KLHL7: variants seen among roughly 807,000 people sequenced by gnomAD.
The protein encoded by KLHL7 is kelch-like protein 7.
A neutral mutation model predicts 67.4 loss-of-function variants in KLHL7; 44 were observed. That is an observed-to-expected ratio of 0.65 (90% CI 0.51 to 0.84). The LOEUF (loss-of-function observed/expected upper bound fraction) is 0.84. KLHL7 is among the 40% of genes least tolerant of loss of function. The pLI is 0.00. For missense variants in KLHL7, 362 were observed against 718.1 expected, an observed-to-expected ratio of 0.50 and a Z score of 5.67; for synonymous variants, 252 against 243.3, an observed-to-expected ratio of 1.04 and a Z score of -0.33.
chr7:23,173,790 G>GAA (rs1249885952), intron 10 of KLHL7, among the ~76,000 whole-genome samples: 1 of 152,042 alleles, frequency 6.6e-6, no homozygotes. Context: ...TAATTTTGTA[G>GAA]AAAAAAATCA....
At position 23,147,502 on chromosome 7, in the gene KLHL7, G is replaced by A. The variant is rs190056947; in HGVS notation, c.793+3477G>A. Among the ~76,000 whole-genome samples, 465 of 152,304 alleles carry A rather than the reference G, an allele frequency of 3.1e-3. 2 individuals are homozygous for A. The highest frequency in any genetic ancestry group is 0.011 in the African/African-American group (442 of 41,562). ...TTTATGTTTGGTAATGTCAGTATCT[G>A]AAGTCCCTGAGGAACAGTGCTGCTA... is the stretch of plus-strand genomic sequence containing the variant. On this transcript the variant is annotated intron_variant, in intron 6 of 10. Coordinates refer to ENST00000339077, the MANE Select transcript of KLHL7 (RefSeq NM_001031710.3).
chr7:23,140,806 A>G lies in KLHL7; in HGVS notation c.480A>G (p.Glu160=), dbSNP rs182116399. The part of the protein sequence containing the change: ...SVLAECLDCP[E]LKATADDFIH... Reference sequence around the variant, plus strand: ...TAGCGGAGTGTCTAGATTGTCCTGAATTGAAAGCAACTGCAGATGACTTTA... The same window carrying G: ...TAGCGGAGTGTCTAGATTGTCCTGAGTTGAAAGCAACTGCAGATGACTTTA... Residue 160 remains glutamate, a synonymous_variant, in exon 5 of 11, where the codon GAA becomes GAG. Transcript: ENST00000339077. 131 of 1,613,954 alleles carry G rather than the reference A, an allele frequency of 8.1e-5. 1 individual carries two copies. The highest frequency in any genetic ancestry group is 8.6e-5 in the Non-Finnish European group (101 of 1,179,956).
chr7:23,170,967 G>A (rs934665613), intron 9 of KLHL7, among the ~76,000 whole-genome samples: 6 of 149,844 alleles, frequency 4.0e-5, no homozygotes, highest in African/African-American at 1.2e-4. Flanking sequence ...GAATGCAGTG[G>A]CACGATCTCA....
chr7:23,131,007 A>G (rs1035196524), intron 4 of KLHL7, among the ~76,000 whole-genome samples: 3 of 152,228 alleles, frequency 2.0e-5, no homozygotes, highest in Non-Finnish European at 4.4e-5. Context: ...TTTATTCCTG[A>G]TGACATTGAT....
chr7:23,134,943 AT>A (rs1431057079), intron 4 of KLHL7, among the ~76,000 whole-genome samples: 2 of 150,100 alleles, frequency 1.3e-5, no homozygotes, highest in Non-Finnish European at 3.0e-5. Context: ...TTTCAGTTTT[AT>A]TTTTTCTCTG....
chr7:23,161,868 T>C (rs1286237116), intron 7 of KLHL7, among the ~76,000 whole-genome samples: 1 of 152,230 alleles, frequency 6.6e-6, no homozygotes, highest in Non-Finnish European at 1.5e-5. Flanking sequence ...TCCCTCAGTA[T>C]GCTGAGCCCT....
intron 7 of KLHL7, chr7:23,155,989 A>G (rs991730236): frequency 4.3e-6 from 2 of 462,140 alleles, no homozygotes; most frequent in Non-Finnish European, 8.9e-6. Context: ...TTTATTGGAC[A>G]GTTGAAAAGA....
intron 9 of KLHL7, chr7:23,172,054 A>T: frequency 2.4e-6 from 1 of 423,352 alleles, no homozygotes; most frequent in Admixed American, 3.0e-5. Context: ...ATAATTATAG[A>T]GAGTTACTCT....
chr7:23,168,167 G>A (rs1218225268), intron 9 of KLHL7, 130 bp downstream of exon 9: 1 of 814,812 alleles, frequency 1.2e-6, no homozygotes, highest in East Asian at 2.7e-5. Flanking sequence ...AAACTTTTGA[G>A]TGTGCTAGGG....
intron 4 of KLHL7, among the ~76,000 whole-genome samples, chr7:23,136,810 A>G (rs980253955): frequency 6.6e-6 from 1 of 152,254 alleles, no homozygotes; most frequent in Non-Finnish European, 1.5e-5. Context: ...AAACATGGCA[A>G]TAAGCACACA....
At chr7:23,124,456 C>G (rs776166700) in intron 2 of KLHL7, among the ~76,000 whole-genome samples, 19 of 152,182 alleles carry the variant, frequency 1.2e-4, no homozygotes, top group Middle Eastern at 3.4e-3. Context: ...TTAATATGGT[C>G]TTAAAAAGAA....
rs113256550 is a variant in KLHL7, at chr7:23,174,115, T to C, written c.1578T>C (p.Val526=). ...GTGTAACAGTGAAATGTGCAGCAGT[T>C]GGCTCTATAGTTTATGTCTTGGCTG... The part of the protein sequence containing the change: ...WKGVTVKCAA[V]GSIVYVLAGF... The change falls in exon 11 of 11, where the codon GTT becomes GTC. Residue 526 remains valine, a synonymous_variant. Coordinates refer to ENST00000339077, the MANE Select transcript of KLHL7 (RefSeq NM_001031710.3). 5.9e-3 allele frequency: 9,506 copies of C among 1,614,196 alleles called. 123 individuals are homozygous for C. The highest frequency in any genetic ancestry group is 0.057 in the African/African-American group (4,303 of 75,048).
At chr7:23,132,925 C>T (rs1323130397) in intron 4 of KLHL7, among the ~76,000 whole-genome samples, 1 of 152,150 alleles carries the variant, frequency 6.6e-6, no homozygotes, top group Non-Finnish European at 1.5e-5. Context: ...GTATTCTTGG[C>T]ACCTTTGTTG....
At chr7:23,159,070 G>C (rs899693143) in intron 7 of KLHL7, among the ~76,000 whole-genome samples, 1 of 152,136 alleles carries the variant, frequency 6.6e-6, no homozygotes, top group Non-Finnish European at 1.5e-5. Context: ...TTGTATAACT[G>C]AATGGAATCT....
chr7:23,146,293 G>A (rs1188214363), intron 6 of KLHL7, among the ~76,000 whole-genome samples: 1 of 152,138 alleles, frequency 6.6e-6, no homozygotes, highest in Non-Finnish European at 1.5e-5. Context: ...GCTCTGCAGG[G>A]TAATTTAGCT....
intron 1 of KLHL7, among the ~76,000 whole-genome samples, chr7:23,115,614 G>T (rs537260661): frequency 1.3e-5 from 2 of 152,030 alleles, no homozygotes; most frequent in East Asian, 3.9e-4. Context: ...CGTGATCTCG[G>T]CTCCCTGCAA....
At chr7:23,116,289 G>A (rs911557999) in intron 1 of KLHL7, among the ~76,000 whole-genome samples, 2 of 152,172 alleles carry the variant, frequency 1.3e-5, no homozygotes, top group African/African-American at 2.4e-5. Flanking sequence ...TTTAAGGCCC[G>A]TGGTCCCACA....
chr7:23,152,516 C>A (rs1250648989), intron 7 of KLHL7, among the ~76,000 whole-genome samples: 2 of 151,968 alleles, frequency 1.3e-5, no homozygotes, highest in African/African-American at 4.8e-5. Context: ...TTCCTTATGT[C>A]CCATTTTCAA....
At chr7:23,151,908 A>G (rs565026284) in intron 6 of KLHL7, among the ~76,000 whole-genome samples, 159 bp from the exon 7 acceptor site, 1 of 152,274 alleles carries the variant, frequency 6.6e-6, no homozygotes, top group South Asian at 2.1e-4. Context: ...ATCCTTATGC[A>G]TTTCTCCTGC....
Sources: allele counts gnomAD v4.1 joint callset (sites outside exome capture counted in the v4.1 genomes callset), GRCh38; gene constraint gnomAD v4.1.1; transcripts MANE v1.5; gene names NCBI Gene and HGNC (gene_info 2026-07-23, HGNC 2026-07-21).